Variants in SLC17A1 observed in about 807,000 individuals in gnomAD.
SLC17A1 encodes the protein solute carrier family 17 member 1.
SLC17A1 carries 51 observed loss-of-function variants against 53.5 expected under a neutral mutation model. The observed-to-expected ratio is 0.95, with a 90% CI of 0.76 to 1.20. SLC17A1 has a LOEUF of 1.20. Ranked by LOEUF, SLC17A1 falls within the 50% of genes most tolerant of loss-of-function variation. The pLI is 0.00. For missense variants in SLC17A1, 538 were observed against 568.2 expected (o/e 0.95, Z 0.54); for synonymous variants, 179 against 198.8 (o/e 0.90, Z 0.84).
intron 12 of SLC17A1, among the ~76,000 whole-genome samples, chr6:25,789,323 C>T (rs1317759541): frequency 2.0e-5 from 3 of 151,942 alleles, no homozygotes; most frequent in Non-Finnish European, 4.4e-5. Context: ...TTATAAATCA[C>T]TAAATAAAAC....
intron 6 of SLC17A1, among the ~76,000 whole-genome samples, chr6:25,818,146 A>C (rs1411467327): frequency 2.0e-5 from 3 of 152,212 alleles, no homozygotes; most frequent in African/African-American, 4.8e-5. Flanking sequence ...TTTGGCCAAC[A>C]GAAATTCCCG....
rs1764217626 is a variant in SLC17A1, at chr6:25,813,110, G to A, written c.720C>T (p.Ser240=). The A allele has an allele frequency of 6.2e-7, 1 of 1,613,858 alleles. No homozygotes were observed. Among genetic ancestry groups the A allele is most frequent in the African/African-American group, 1.3e-5 (1 of 74,938 alleles). ...TGTGTTCTACCTGCTGGACCAGGGA[G>A]GATGTGATGTATTCCTTTTCACTGA... ...ISISEKEYIT[S]SLVQQVSSSR... Residue 240 remains serine, a synonymous_variant, in exon 7 of 13, where the codon TCC becomes TCT. Coordinates refer to ENST00000244527, the MANE Select transcript of SLC17A1 (RefSeq NM_005074.5).
chr6:25,816,292 C>T (rs965340939), intron 6 of SLC17A1, among the ~76,000 whole-genome samples: 1 of 152,228 alleles, frequency 6.6e-6, no homozygotes, highest in Non-Finnish European at 1.5e-5. Context: ...CTCTTGGCTT[C>T]CCCATTGTGC....
downstream of SLC17A1, chr6:25,779,068 T>A (rs780708706): frequency 5.0e-6 from 8 of 1,613,636 alleles, no homozygotes; most frequent in Non-Finnish European, 6.8e-6. Flanking sequence ...CAGAGTTTGG[T>A]TGGAGAAATG....
At chr6:25,815,930 G>A (rs1399441896) in intron 6 of SLC17A1, among the ~76,000 whole-genome samples, 1 of 76,094 alleles carries the variant, frequency 1.3e-5, no homozygotes, top group Non-Finnish European at 2.7e-5. Flanking sequence ...TTTTTTTTTT[G>A]CCACTTCAGC....
chr6:25,828,335 A>AG (rs1163817402), intron 2 of SLC17A1, among the ~76,000 whole-genome samples: 2 of 152,156 alleles, frequency 1.3e-5, no homozygotes, highest in African/African-American at 2.4e-5. Context: ...AACAGGGGCC[A>AG]GGGAGCTTGG....
the SLC17A1 span, among the ~76,000 whole-genome samples, chr6:25,738,745 T>A: frequency 6.6e-6 from 1 of 152,202 alleles, no homozygotes; most frequent in Non-Finnish European, 1.5e-5. Context: ...AACATTTCAC[T>A]GCCAAGGACA....
intron 5 of SLC17A1, 84 bp downstream of exon 5, chr6:25,819,427 C>T: frequency 8.7e-7 from 1 of 1,144,110 alleles, no homozygotes; most frequent in Non-Finnish European, 1.3e-6. Flanking sequence ...CCATTCAAAA[C>T]ACACATTTCT....
intron 3 of SLC17A1, among the ~76,000 whole-genome samples, chr6:25,821,200 C>T (rs1764547537): frequency 6.6e-6 from 1 of 152,090 alleles, no homozygotes; most frequent in Non-Finnish European, 1.5e-5. Context: ...AGGTAGGAAT[C>T]CATATGTTTG....
At chr6:25,808,511 T>C (rs1764036560) in intron 10 of SLC17A1, among the ~76,000 whole-genome samples, 1 of 151,872 alleles carries the variant, frequency 6.6e-6, no homozygotes, top group South Asian at 2.1e-4. Flanking sequence ...GAAGAATTTT[T>C]TTTAAAAAAA....
At chr6:25,762,154 G>T in the SLC17A1 span, 22 of 946,988 alleles carry the variant, frequency 2.3e-5, no homozygotes, top group Non-Finnish European at 3.2e-5. Context: ...ATCTTTTGTT[G>T]ATACACATCA....
intron 12 of SLC17A1, among the ~76,000 whole-genome samples, chr6:25,787,435 T>C (rs1467672554): frequency 6.6e-6 from 1 of 152,100 alleles, no homozygotes; most frequent in Admixed American, 6.5e-5. Context: ...AGACCAACCA[T>C]GTTGCCACCT....
At chr6:25,810,424 C>T (rs1052730631) in intron 10 of SLC17A1, among the ~76,000 whole-genome samples, 1 of 151,854 alleles carries the variant, frequency 6.6e-6, no homozygotes, top group African/African-American at 2.4e-5. Context: ...AAGAAAACAA[C>T]CCAATTAAAA....
the SLC17A1 span, among the ~76,000 whole-genome samples, chr6:25,742,173 A>T: frequency 6.6e-6 from 1 of 152,224 alleles, no homozygotes; most frequent in African/African-American, 2.4e-5. Context: ...TCCGGCACAG[A>T]GACTTCTGGG....
chr6:25,795,624 G>A (rs1763587743), intron 12 of SLC17A1, among the ~76,000 whole-genome samples: 1 of 152,090 alleles, frequency 6.6e-6, no homozygotes, highest in African/African-American at 2.4e-5. Context: ...GGCTCTCAAA[G>A]TGGGTGAAAT....
At chr6:25,798,747 G>C in intron 12 of SLC17A1, 36 bp downstream of exon 12, 4 of 1,556,852 alleles carry the variant, frequency 2.6e-6, no homozygotes, top group Non-Finnish European at 3.5e-6. Flanking sequence ...TGCATTCCCA[G>C]TTTCAAAAAT....
chr6:25,804,929 T>C (rs1475033202), intron 10 of SLC17A1, among the ~76,000 whole-genome samples: 1 of 152,018 alleles, frequency 6.6e-6, no homozygotes, highest in African/African-American at 2.4e-5. Flanking sequence ...AGCAACACAA[T>C]AACAGTGGAA....
the SLC17A1 span, among the ~76,000 whole-genome samples, chr6:25,765,656 A>T: frequency 6.6e-6 from 1 of 152,238 alleles, no homozygotes; most frequent in South Asian, 2.1e-4. Context: ...GAGGAAAAAA[A>T]TGTCACTGCA....
At chr6:25,809,221 G>C (rs1288889214) in intron 10 of SLC17A1, among the ~76,000 whole-genome samples, 1 of 151,984 alleles carries the variant, frequency 6.6e-6, no homozygotes, top group Non-Finnish European at 1.5e-5. Flanking sequence ...ACAGAGTGTA[G>C]AATAACAGAC....
Sources: gnomAD v4.1 joint callset for allele counts (sites outside exome capture counted in the v4.1 genomes callset) on GRCh38, gnomAD v4.1.1 for gene constraint, MANE v1.5 for transcripts, NCBI Gene and HGNC (gene_info 2026-07-23, HGNC 2026-07-21) for gene names.